ACTR3C: variants seen among roughly 807,000 people sequenced by gnomAD.
ACTR3C encodes actin related protein 3C.
In ACTR3C, 18 loss-of-function variants were observed where a neutral mutation model predicts 26.3. The ratio of observed to expected loss-of-function variants is 0.68; its 90% CI spans 0.47 to 1.01. ACTR3C has a LOEUF of 1.01. Ranked by LOEUF, ACTR3C falls within the 50% of genes least tolerant of loss-of-function variation. ACTR3C has a pLI of 0.00. For synonymous variants in ACTR3C, 55 were observed against 94.5 expected (o/e 0.58, Z 2.42); for missense variants, 184 against 250.7 (o/e 0.73, Z 1.80).
chr7:149,938,976 ATATG>A, the ACTR3C span, among the ~76,000 whole-genome samples: 1 of 147,214 alleles, frequency 6.8e-6, no homozygotes, highest in Admixed American at 6.8e-5. Context: ...ATATACATAT[ATATG>A]TATATAATAT....
At chr7:150,276,371 G>A (rs1463401939) in intron 6 of ACTR3C, among the ~76,000 whole-genome samples, 2 of 152,100 alleles carry the variant, frequency 1.3e-5, no homozygotes, top group African/African-American at 2.4e-5. Flanking sequence ...CTATTTACAT[G>A]CCAAAGACCA....
chr7:150,209,896 G>A, the ACTR3C span, among the ~76,000 whole-genome samples: 5 of 147,286 alleles, frequency 3.4e-5, no homozygotes, highest in South Asian at 8.6e-4. Flanking sequence ...TCCAGCCTGG[G>A]TGACAGAGCG....
At chr7:149,900,279 G>A in the ACTR3C span, among the ~76,000 whole-genome samples, 5 of 152,022 alleles carry the variant, frequency 3.3e-5, no homozygotes, top group Admixed American at 1.3e-4. Context: ...GGGTTTAAGC[G>A]ATTCTCCTGC....
At chr7:150,092,012 A>AAAAAAG in the ACTR3C span, among the ~76,000 whole-genome samples, 1 of 141,900 alleles carries the variant, frequency 7.0e-6, no homozygotes, top group Non-Finnish European at 1.6e-5. Context: ...AAAAAAAAAA[A>AAAAAAG]AAAAAAAAAA....
the ACTR3C span, among the ~76,000 whole-genome samples, chr7:149,962,558 G>C: frequency 0.91 from 138,203 of 151,728 alleles, 63,724 homozygotes; most frequent in Non-Finnish European, 0.99. Flanking sequence ...TGTGGGCAGC[G>C]CTGTACCACA....
the ACTR3C span, among the ~76,000 whole-genome samples, chr7:150,132,382 TC>T: frequency 6.6e-6 from 1 of 152,148 alleles, no homozygotes; most frequent in Non-Finnish European, 1.5e-5. Context: ...ATATCCACAA[TC>T]TACAATGAAT....
At chr7:150,042,473 G>C in the ACTR3C span, among the ~76,000 whole-genome samples, 4 of 138,356 alleles carry the variant, frequency 2.9e-5, no homozygotes, top group Admixed American at 7.4e-5. Flanking sequence ...GGAGGAAAGG[G>C]GGAGGTTCGC....
chr7:150,017,929 C>T, the ACTR3C span, among the ~76,000 whole-genome samples: 1 of 150,228 alleles, frequency 6.7e-6, no homozygotes, highest in Non-Finnish European at 1.5e-5. Context: ...TCCACAGGTT[C>T]CAAAGGCTGA....
intron 6 of ACTR3C, among the ~76,000 whole-genome samples, chr7:150,262,436 T>C (rs1258313198): frequency 3.9e-5 from 6 of 152,294 alleles, no homozygotes. Flanking sequence ...AAACCGAGCC[T>C]TTTCTGGGTG....
At chr7:150,195,752 G>A in the ACTR3C span, among the ~76,000 whole-genome samples, 12 of 152,206 alleles carry the variant, frequency 7.9e-5, no homozygotes, top group Middle Eastern at 3.2e-3. Flanking sequence ...GGTGGCACAT[G>A]CCTGTAATAG....
At chr7:150,198,184 C>T in the ACTR3C span, among the ~76,000 whole-genome samples, 5 of 149,702 alleles carry the variant, frequency 3.3e-5, 1 homozygote, top group African/African-American at 1.0e-4. Flanking sequence ...GGCGTGATCT[C>T]GGCTCACTAC....
chr7:150,286,627 T>C (rs2373754), intron 4 of ACTR3C, 87 bp from the exon 5 acceptor site: 2 of 1,561,090 alleles, frequency 1.3e-6, no homozygotes, highest in Non-Finnish European at 8.7e-7. Flanking sequence ...GCCCATGCAG[T>C]AAACACACCC....
the ACTR3C span, among the ~76,000 whole-genome samples, chr7:150,084,978 G>A: frequency 5.9e-5 from 9 of 152,124 alleles, no homozygotes; most frequent in Non-Finnish European, 8.8e-5. Context: ...GGATCGATGA[G>A]GCTTGCTGAA....
rs1209220903 is a variant in ACTR3C, at chr7:150,247,246, T to G, written c.*362A>C. The G allele has an allele frequency of 6.6e-6, 1 of 152,230 alleles. No individual in the cohort carries two copies. Among genetic ancestry groups the G allele is most frequent in the Non-Finnish European group, 1.5e-5 (1 of 68,048 alleles). 9.4% of individuals were successfully genotyped at this position (152,230 alleles called of 1,614,324 possible). On this transcript the variant is annotated 3_prime_UTR_variant, in exon 8 of 8. Coordinates refer to ENST00000683684, the MANE Select transcript of ACTR3C (RefSeq NM_001164458.2). ...TAACCATTTATTTCTGGCACAGCTTTCCCTCTCTCTCTCCAGGTGAAGTTT... is the reference window on the plus strand; with the variant it reads ...TAACCATTTATTTCTGGCACAGCTTGCCCTCTCTCTCTCCAGGTGAAGTTT...
At chr7:149,918,281 A>G in the ACTR3C span, among the ~76,000 whole-genome samples, 1 of 152,192 alleles carries the variant, frequency 6.6e-6, no homozygotes, top group African/African-American at 2.4e-5. Flanking sequence ...AAGTGTTTTA[A>G]AAGTGTTTTA....
chr7:150,206,573 CCAGAT>C, the ACTR3C span, among the ~76,000 whole-genome samples: 1 of 151,962 alleles, frequency 6.6e-6, no homozygotes, highest in African/African-American at 2.4e-5. Context: ...ACCACCATGC[CCAGAT>C]AATTTTTTTT....
the ACTR3C span, among the ~76,000 whole-genome samples, chr7:149,987,059 C>T: frequency 3.7e-5 from 5 of 136,946 alleles, no homozygotes; most frequent in South Asian, 1.3e-3. Flanking sequence ...TCATAACACG[C>T]CCACACAGGG....
At chr7:150,032,047 G>T in the ACTR3C span, among the ~76,000 whole-genome samples, 1 of 152,182 alleles carries the variant, frequency 6.6e-6, no homozygotes, top group Non-Finnish European at 1.5e-5. Context: ...CCCTTCTTCC[G>T]GTCTATTTCA....
the ACTR3C span, among the ~76,000 whole-genome samples, chr7:150,192,826 C>T: frequency 2.6e-5 from 4 of 152,198 alleles, no homozygotes; most frequent in South Asian, 2.1e-4. Flanking sequence ...GTTCCTCACA[C>T]GATTGACATA....
Sources: gnomAD v4.1 joint callset for allele counts (sites outside exome capture counted in the v4.1 genomes callset) on GRCh38, gnomAD v4.1.1 for gene constraint, MANE v1.5 for transcripts, NCBI Gene and HGNC (gene_info 2026-07-23, HGNC 2026-07-21) for gene names.